KIDINS220: variants seen among roughly 807,000 people sequenced by gnomAD.
KIDINS220 encodes kinase D-interacting substrate of 220 kDa.
KIDINS220 carries 63 observed loss-of-function variants against 157.6 expected under a neutral mutation model. The observed-to-expected ratio is 0.40, with a 90% confidence interval of 0.33 to 0.49. The LOEUF is 0.49. Ranked by LOEUF, KIDINS220 falls within the 20% of genes least tolerant of loss-of-function variation. The probability of loss-of-function intolerance (pLI) is 0.66; values close to 1 mark genes in which losing one functional copy is unlikely to be tolerated. For synonymous variants in KIDINS220, 732 were observed against 783.6 expected (o/e 0.93, Z 1.10); for missense variants, 1,772 against 2,171.2 (o/e 0.82, Z 3.65).
intron 7 of KIDINS220, among the ~76,000 whole-genome samples, chr2:8,804,077 G>A (rs990766026): frequency 6.6e-6 from 1 of 152,190 alleles, no homozygotes; most frequent in African/African-American, 2.4e-5. Context: ...TTGTTCACTT[G>A]ACCAACTGTC....
At chr2:8,773,760 G>A (rs1670557071) in intron 21 of KIDINS220, among the ~76,000 whole-genome samples, 1 of 152,092 alleles carries the variant, frequency 6.6e-6, no homozygotes, top group Admixed American at 6.6e-5. Context: ...GGGTGAGCCG[G>A]TGCGCCCAGC....
intron 26 of KIDINS220, among the ~76,000 whole-genome samples, chr2:8,742,423 C>T (rs555378479): frequency 4.1e-4 from 62 of 152,246 alleles, no homozygotes; most frequent in African/African-American, 2.4e-5. Context: ...TACTTGGTCA[C>T]TCCACTGACT....
At chr2:8,773,375 T>A (rs1267302974) in intron 21 of KIDINS220, among the ~76,000 whole-genome samples, 1 of 152,206 alleles carries the variant, frequency 6.6e-6, no homozygotes, top group East Asian at 1.9e-4. Context: ...AATTTGGTCC[T>A]CTTTAGAGTG....
rs904068158 is a variant in KIDINS220 at position 8,765,336 on chromosome 2, A to G, written c.3011+5334T>C. Among the ~76,000 whole-genome samples the G allele has an allele frequency of 2.6e-5, 4 of 152,294 alleles. No individual in the cohort carries two copies. The East Asian group carries it at 7.7e-4, about 29-fold the overall frequency. Reference sequence around the variant, plus strand: ...CTCATTAGTTGCTCTCCTGCCCATGATATCTTTCCTACACCTAGCAGTCTT... The same window carrying G: ...CTCATTAGTTGCTCTCCTGCCCATGGTATCTTTCCTACACCTAGCAGTCTT... On this transcript the variant is annotated intron_variant, in intron 22 of 29. Transcript: ENST00000256707.
At chr2:8,749,628 T>C (rs989729131) in intron 24 of KIDINS220, among the ~76,000 whole-genome samples, 2 of 152,194 alleles carry the variant, frequency 1.3e-5, no homozygotes, top group African/African-American at 2.4e-5. Flanking sequence ...TGCTATTATT[T>C]GGAAAAACAT....
intron 22 of KIDINS220, among the ~76,000 whole-genome samples, chr2:8,765,469 A>G (rs1194219869): frequency 6.6e-6 from 1 of 152,196 alleles, no homozygotes; most frequent in East Asian, 1.9e-4. Flanking sequence ...AAATGATACA[A>G]AAAGTTGGCT....
At chr2:8,773,088 A>T (rs992238331) in intron 21 of KIDINS220, among the ~76,000 whole-genome samples, 1 of 152,254 alleles carries the variant, frequency 6.6e-6, no homozygotes, top group Non-Finnish European at 1.5e-5. Flanking sequence ...TTTTCAACAT[A>T]GCACTTTTAG....
chr2:8,811,834 G>T (rs1406933391), intron 6 of KIDINS220, among the ~76,000 whole-genome samples: 1 of 152,132 alleles, frequency 6.6e-6, no homozygotes, highest in Admixed American at 6.6e-5. Context: ...TGGCAAATGG[G>T]CAGAGCCTCA....
chr2:8,783,268 T>C (rs1369442041), intron 17 of KIDINS220, among the ~76,000 whole-genome samples: 2 of 151,660 alleles, frequency 1.3e-5, no homozygotes, highest in Non-Finnish European at 1.5e-5. Context: ...GCAAAAGCAT[T>C]TGACAAAATC....
rs78613101 is a variant in KIDINS220, at chr2:8,796,926, T to C, written c.1000-57A>G. 0.015 allele frequency: 18,409 copies of C among 1,204,808 alleles called. 1,640 individuals are homozygous for C. The African/African-American group carries it at 0.22, about 14-fold the overall frequency. 74.6% of individuals were successfully genotyped at this position (1,204,808 alleles called of 1,614,324 possible). ...TAATAGCTTGACTCCTGTGTTTATG[T>C]CATACAAATGCACATGTCAAGAAAT... On this transcript the variant is annotated intron_variant, in intron 10 of 29. Coordinates refer to ENST00000256707, the MANE Select transcript of KIDINS220 (RefSeq NM_020738.4).
At chr2:8,796,747 G>C in intron 11 of KIDINS220, 24 bp downstream of exon 11, 1 of 1,565,006 alleles carries the variant, frequency 6.4e-7, no homozygotes, top group Non-Finnish European at 8.8e-7. Context: ...TCCATACAGT[G>C]TTCTCTCCGC....
chr2:8,818,505 T>C (rs1677428727), intron 3 of KIDINS220, among the ~76,000 whole-genome samples, 190 bp downstream of exon 3: 1 of 152,156 alleles, frequency 6.6e-6, no homozygotes, highest in Admixed American at 6.5e-5. Flanking sequence ...ACCAAAGAGC[T>C]GAGATCCTTC....
At chr2:8,728,251 G>A (rs1173579382), downstream of KIDINS220, among the ~76,000 whole-genome samples, 1 of 152,134 alleles carries the variant, frequency 6.6e-6, no homozygotes, top group Non-Finnish European at 1.5e-5. Flanking sequence ...CTGAGCCCAG[G>A]AGGTCGAGGC....
chr2:8,754,560 C>T (rs114862948), intron 22 of KIDINS220, among the ~76,000 whole-genome samples: 1,553 of 152,290 alleles, frequency 0.01, 30 homozygotes, highest in African/African-American at 0.034. Context: ...CATCAATGAG[C>T]TCCTAGTAAG....
At chr2:8,794,675 C>T (rs1463742649) in intron 11 of KIDINS220, among the ~76,000 whole-genome samples, 1 of 152,168 alleles carries the variant, frequency 6.6e-6, no homozygotes, top group African/African-American at 2.4e-5. Flanking sequence ...TGCTCACATC[C>T]AACACTAATG....
In KIDINS220 at chr2:8,784,091, A is replaced by C. The variant is rs190598373; in HGVS notation, c.2229+1650T>G. Among the ~76,000 whole-genome samples, 44 of 152,238 alleles carry C rather than the reference A, an allele frequency of 2.9e-4. No individual in the cohort carries two copies. In the East Asian group the frequency reaches 8.1e-3, roughly 28 times the overall value. ...ACAAAGAGAAAGAGCCCAGAAACAGACCTACACAAATATAGTCAATTGATC... is the reference window on the plus strand; with the variant it reads ...ACAAAGAGAAAGAGCCCAGAAACAGCCCTACACAAATATAGTCAATTGATC... On this transcript the variant is annotated intron_variant, in intron 17 of 29. Transcript: ENST00000256707.
intron 27 of KIDINS220, among the ~76,000 whole-genome samples, chr2:8,736,630 T>A (rs914746274): frequency 6.6e-6 from 1 of 152,256 alleles, no homozygotes; most frequent in Non-Finnish European, 1.5e-5. Flanking sequence ...TATTACGTCA[T>A]TTAAAAAAGA....
intron 13 of KIDINS220, 101 bp downstream of exon 13, chr2:8,790,959 C>A (rs1440551810): frequency 7.5e-6 from 8 of 1,062,910 alleles, no homozygotes; most frequent in African/African-American, 3.2e-5. Context: ...CCACATAACA[C>A]ACATGCTTAT....
intron 2 of KIDINS220, among the ~76,000 whole-genome samples, chr2:8,823,541 A>G (rs1303746203): frequency 6.6e-6 from 1 of 152,162 alleles, no homozygotes; most frequent in Non-Finnish European, 1.5e-5. Context: ...ATACAATATT[A>G]AACTGGATAT....
Sources: allele counts gnomAD v4.1 joint callset (sites outside exome capture counted in the v4.1 genomes callset), GRCh38; gene constraint gnomAD v4.1.1; transcripts MANE v1.5; gene names NCBI Gene and HGNC (gene_info 2026-07-23, HGNC 2026-07-21).